RIMS1: variants seen among roughly 807,000 people sequenced by gnomAD.
The protein encoded by RIMS1 is regulating synaptic membrane exocytosis protein 1.
In RIMS1, 83 loss-of-function variants were observed where a neutral mutation model predicts 214.1. That is an observed-to-expected ratio of 0.39 (90% confidence interval 0.32 to 0.47). RIMS1 has a LOEUF of 0.47. Ranked by LOEUF, RIMS1 falls within the 20% of genes least tolerant of loss-of-function variation. The pLI is 0.99. For synonymous variants in RIMS1, 793 were observed against 786.8 expected (o/e 1.01, Z -0.13); for missense variants, 2,050 against 2,161.8 (o/e 0.95, Z 1.03).
intron 25 of RIMS1, 127 bp from the exon 26 acceptor site, chr6:72,291,807 A>T: frequency 1.4e-6 from 1 of 729,728 alleles, no homozygotes; most frequent in East Asian, 2.7e-5. Flanking sequence ...AAAGTGTTTG[A>T]TTCTGCTCCC....
At chr6:72,319,884 G>A (rs116745112) in intron 28 of RIMS1, among the ~76,000 whole-genome samples, 1,641 of 151,956 alleles carry the variant, frequency 0.011, 31 homozygotes, top group African/African-American at 0.038. Flanking sequence ...TTACCAGACT[G>A]TTTGAGAATA....
At chr6:71,911,611 C>T (rs950232086) in intron 1 of RIMS1, among the ~76,000 whole-genome samples, 2 of 152,076 alleles carry the variant, frequency 1.3e-5, no homozygotes, top group Non-Finnish European at 2.9e-5. Context: ...TCTCTTTTCT[C>T]CATGGATCAA....
intron 29 of RIMS1, among the ~76,000 whole-genome samples, chr6:72,376,038 GAA>G (rs531860423): frequency 6.6e-6 from 1 of 152,040 alleles, no homozygotes; most frequent in Non-Finnish European, 1.5e-5. Flanking sequence ...TCTGAAGTTA[GAA>G]AAAAGACTAT....
At chr6:72,287,873 C>T (rs903831998) in intron 24 of RIMS1, among the ~76,000 whole-genome samples, 20 of 152,182 alleles carry the variant, frequency 1.3e-4, no homozygotes, top group Admixed American at 5.2e-4. Context: ...AGCCACCACG[C>T]GCGGCCGCAA....
At chr6:72,034,330 T>A (rs569972670) in intron 2 of RIMS1, among the ~76,000 whole-genome samples, 2 of 152,306 alleles carry the variant, frequency 1.3e-5, no homozygotes, top group African/African-American at 4.8e-5. Context: ...CTGTCCTCTA[T>A]ACTTATTTGC....
At chr6:72,350,121 G>T (rs1305919615) in intron 29 of RIMS1, among the ~76,000 whole-genome samples, 5 of 151,972 alleles carry the variant, frequency 3.3e-5, no homozygotes, top group African/African-American at 4.8e-5. Flanking sequence ...ATCACAGTTT[G>T]AAAAGTATAT....
chr6:72,295,454 T>A (rs926446456), intron 26 of RIMS1, among the ~76,000 whole-genome samples: 1 of 151,854 alleles, frequency 6.6e-6, no homozygotes, highest in African/African-American at 2.4e-5. Flanking sequence ...TATTTTTTGC[T>A]TATCAGATAA....
chr6:72,354,049 G>A (rs779433931), intron 29 of RIMS1, among the ~76,000 whole-genome samples: 1 of 151,970 alleles, frequency 6.6e-6, no homozygotes, highest in Non-Finnish European at 1.5e-5. Flanking sequence ...GTAAAACCCC[G>A]TCTCTACTGC....
chr6:72,243,267 TC>T (rs2067793821), intron 10 of RIMS1, among the ~76,000 whole-genome samples: 1 of 151,726 alleles, frequency 6.6e-6, no homozygotes, highest in Non-Finnish European at 1.5e-5. Context: ...TTAATTTGTA[TC>T]GGCCTCATGA....
At chr6:72,085,620 T>C (rs1173393031) in intron 2 of RIMS1, among the ~76,000 whole-genome samples, 2 of 152,166 alleles carry the variant, frequency 1.3e-5, no homozygotes, top group Non-Finnish European at 2.9e-5. Flanking sequence ...TCTTAATGTT[T>C]GCAGTCTCTG....
chr6:72,288,337 T>A (rs1023565012), intron 24 of RIMS1, among the ~76,000 whole-genome samples: 1 of 152,224 alleles, frequency 6.6e-6, no homozygotes, highest in African/African-American at 2.4e-5. Context: ...AACCTATAGA[T>A]ACATATATGC....
chr6:71,994,864 A>G (rs979179500), intron 2 of RIMS1, among the ~76,000 whole-genome samples: 1 of 152,230 alleles, frequency 6.6e-6, no homozygotes, highest in Non-Finnish European at 1.5e-5. Context: ...TGCCTGGGGA[A>G]GGGAAGGGCG....
chr6:72,123,307 T>C (rs2038820857), intron 4 of RIMS1, among the ~76,000 whole-genome samples: 1 of 151,890 alleles, frequency 6.6e-6, no homozygotes, highest in Non-Finnish European at 1.5e-5. Flanking sequence ...AATCCTGAGT[T>C]CTAGTTTGAT....
intron 27 of RIMS1, among the ~76,000 whole-genome samples, chr6:72,308,303 T>A (rs2095332879): frequency 6.6e-6 from 1 of 152,100 alleles, no homozygotes; most frequent in South Asian, 2.1e-4. Context: ...ATTTTTGTTC[T>A]TCATGAAGTA....
chr6:72,251,860 G>A (rs889262231), intron 15 of RIMS1, among the ~76,000 whole-genome samples: 9 of 151,978 alleles, frequency 5.9e-5, no homozygotes, highest in Non-Finnish European at 1.3e-4. Context: ...ACAGAAGTGC[G>A]CCACCATGCC....
rs577943795 is a variant in RIMS1, at chr6:72,223,676, G to A, written c.1679-10097G>A. On this transcript the variant is annotated intron_variant, in intron 6 of 33. Coordinates refer to ENST00000521978, the MANE Select transcript of RIMS1 (RefSeq NM_014989.7). Reference sequence around the variant, plus strand: ...AATAAGCCAGTTGCAGGCCAGGTGCGGTGGCTCACACCTGTAATCCCAGCA... The same window carrying A: ...AATAAGCCAGTTGCAGGCCAGGTGCAGTGGCTCACACCTGTAATCCCAGCA... Among the ~76,000 whole-genome samples the A allele has an allele frequency of 2.1e-3, 323 of 152,086 alleles. 4 individuals are homozygous for A. The highest frequency in any genetic ancestry group is 7.0e-3 in the African/African-American group (292 of 41,500).
chr6:72,005,361 T>C (rs1056660264), intron 2 of RIMS1, among the ~76,000 whole-genome samples: 2 of 152,196 alleles, frequency 1.3e-5, no homozygotes, highest in Non-Finnish European at 2.9e-5. Flanking sequence ...CGGGCTCTTT[T>C]TTGGTTCCAT....
chr6:72,316,875 CAG>C, intron 28 of RIMS1: 2 of 1,023,966 alleles, frequency 2.0e-6, no homozygotes, highest in South Asian at 2.5e-5. Context: ...CAGCTGCCCC[CAG>C]GGGGAGGCCC....
chr6:72,170,759 C>T (rs867163141), intron 4 of RIMS1, among the ~76,000 whole-genome samples: 1 of 152,086 alleles, frequency 6.6e-6, no homozygotes, highest in African/African-American at 2.4e-5. Flanking sequence ...ACATAACAGG[C>T]ACCTAAAATA....
Sources: gnomAD v4.1 joint callset for allele counts (sites outside exome capture counted in the v4.1 genomes callset) on GRCh38, gnomAD v4.1.1 for gene constraint, MANE v1.5 for transcripts, NCBI Gene and HGNC (gene_info 2026-07-23, HGNC 2026-07-21) for gene names.